CCDC125: variants seen among roughly 807,000 people sequenced by gnomAD.
The protein encoded by CCDC125 is coiled-coil domain containing 125.
Under a neutral mutation model 57.4 loss-of-function variants are expected in CCDC125, and 43 were observed. The ratio of observed to expected loss-of-function variants is 0.75; its 90% CI spans 0.59 to 0.97. CCDC125 has a LOEUF of 0.97. CCDC125 is among the 50% of genes least tolerant of loss of function. The pLI, the probability that CCDC125 is intolerant of heterozygous loss-of-function variation, is 0.00. For missense variants in CCDC125, 563 were observed against 595.7 expected (o/e 0.95, Z 0.57); for synonymous variants, 187 against 195.2 (o/e 0.96, Z 0.35).
chr5:69,316,926 A>G (rs926894708), intron 2 of CCDC125, among the ~76,000 whole-genome samples: 10 of 152,318 alleles, frequency 6.6e-5, no homozygotes, highest in Admixed American at 5.2e-4. Flanking sequence ...AACTTTAATA[A>G]AAAGAAAAGT....
Position 69,285,412 on chromosome 5 carries a change from G to T in CCDC125, c.1155C>A (p.Leu385=). Residue 385 remains leucine, a synonymous_variant, in exon 11 of 12, where the codon CTC becomes CTA. Coordinates refer to ENST00000396496, the MANE Select transcript of CCDC125 (RefSeq NM_176816.5). ...KTFGQRLLGM[L]PSENSSKRME... ...TCCTCTTAGAACTGTTTTCTGAAGG[G>T]AGCATACCCAACAGTCTCTGCCCGA... The T allele has an allele frequency of 6.2e-7, 1 of 1,610,900 alleles. No homozygotes were observed. The highest frequency in any genetic ancestry group is 8.5e-7 in the Non-Finnish European group (1 of 1,178,778).
chr5:69,297,004 A>T (rs1755440461), intron 8 of CCDC125, among the ~76,000 whole-genome samples: 1 of 148,846 alleles, frequency 6.7e-6, no homozygotes, highest in African/African-American at 2.5e-5. Context: ...AACATATTCC[A>T]GTATGTACCA....
chr5:69,332,777 C>T lies in CCDC125; in HGVS notation c.-169G>A, dbSNP rs777382868. 3.3e-5 allele frequency: 5 copies of T among 152,506 alleles called. No homozygotes were observed. The highest frequency in any genetic ancestry group is 5.9e-5 in the Non-Finnish European group (4 of 68,266). The allele number at this position is 152,506 out of a possible 1,614,324, so 9.4% of individuals were successfully genotyped here. ...TCAGCTCGCTCACCTGGCAAGTAGC[C>T]TCCTCTCCGTGCGCGTGCGCCGCTG... On this transcript the variant is annotated 5_prime_UTR_variant, in exon 1 of 12. Transcript: ENST00000396496.
At chr5:69,295,880 T>C (rs536856090) in intron 8 of CCDC125, among the ~76,000 whole-genome samples, 92 of 144,134 alleles carry the variant, frequency 6.4e-4, no homozygotes, top group African/African-American at 2.2e-3. Context: ...TTTAGAACAC[T>C]GACTTCTTTT....
chr5:69,284,604 G>A (rs1753011796), intron 11 of CCDC125, among the ~76,000 whole-genome samples: 1 of 152,090 alleles, frequency 6.6e-6, no homozygotes, highest in Admixed American at 6.6e-5. Context: ...ATGAGCTGAG[G>A]GAGATAAAGA....
intron 9 of CCDC125, among the ~76,000 whole-genome samples, chr5:69,293,086 C>T (rs1391742131): frequency 6.6e-6 from 1 of 151,714 alleles, no homozygotes; most frequent in Non-Finnish European, 1.5e-5. Flanking sequence ...GGTAATCCAC[C>T]CGCCTCGGCC....
chr5:69,303,791 T>A, intron 7 of CCDC125, 56 bp downstream of exon 7: 1 of 1,000,188 alleles, frequency 1.0e-6, no homozygotes, highest in Non-Finnish European at 1.5e-6. Flanking sequence ...TATTTCAAAA[T>A]ACTAGCATGT....
At chr5:69,301,171 C>T (rs541330661) in intron 7 of CCDC125, among the ~76,000 whole-genome samples, 1 of 151,724 alleles carries the variant, frequency 6.6e-6, no homozygotes, top group Non-Finnish European at 1.5e-5. Flanking sequence ...GGAAGAGTCT[C>T]GTTATGTTGC....
intron 2 of CCDC125, among the ~76,000 whole-genome samples, chr5:69,319,312 C>T (rs1031953986): frequency 2.6e-5 from 4 of 152,078 alleles, no homozygotes; most frequent in African/African-American, 9.7e-5. Context: ...TGACATTATT[C>T]TCAGAAATTG....
At chr5:69,294,440 T>C (rs1442834551) in intron 9 of CCDC125, among the ~76,000 whole-genome samples, 2 of 152,078 alleles carry the variant, frequency 1.3e-5, no homozygotes, top group Admixed American at 1.3e-4. Flanking sequence ...CCCAAGTAGC[T>C]AAGATTACAG....
chr5:69,282,574 G>C lies in CCDC125; in HGVS notation c.*155C>G. 1 of 626,262 alleles carries C rather than the reference G, an allele frequency of 1.6e-6. No homozygotes were observed. Among genetic ancestry groups the C allele is most frequent in the South Asian group, 2.4e-5 (1 of 41,210 alleles). 38.8% of individuals were successfully genotyped at this position (626,262 alleles called of 1,614,324 possible). A position where few individuals can be genotyped will look rare whatever the true frequency, so the allele number is the denominator to read the frequency against. ...AGACTCCATCTCAAAAGAAGAAAAA[G>C]AAAATGTAGAAAATATTTGATTTAA... is the stretch of plus-strand genomic sequence containing the variant. On this transcript the variant is annotated 3_prime_UTR_variant, in exon 12 of 12. Transcript: ENST00000396496.
the CCDC125 span, among the ~76,000 whole-genome samples, chr5:69,273,612 T>A: frequency 7.2e-5 from 11 of 152,080 alleles, no homozygotes; most frequent in Non-Finnish European, 1.5e-4. Context: ...TTAAAGGAAA[T>A]AACAAACTCA....
At chr5:69,279,601 C>T, downstream of CCDC125, among the ~76,000 whole-genome samples, 1 of 152,096 alleles carries the variant, frequency 6.6e-6, no homozygotes, top group Non-Finnish European at 1.5e-5. Flanking sequence ...ACTTCCATGC[C>T]TTTGTCCTGT....
intron 11 of CCDC125, 41 bp from the exon 12 acceptor site, chr5:69,283,075 A>C (rs749343586): frequency 7.0e-7 from 1 of 1,438,306 alleles, no homozygotes; most frequent in African/African-American, 1.4e-5. Context: ...TTAGTCAATA[A>C]ATCACAGAAT....
At chr5:69,280,130 G>A (rs1579909512), downstream of CCDC125, 1 of 152,030 alleles carries the variant, frequency 6.6e-6, no homozygotes, top group Non-Finnish European at 1.5e-5. Flanking sequence ...ACTTGGGTGG[G>A]GACACAGCCA....
downstream of CCDC125, among the ~76,000 whole-genome samples, chr5:69,278,372 ATT>A (rs35559096): frequency 3.6e-5 from 5 of 139,094 alleles, no homozygotes; most frequent in Admixed American, 7.3e-5. Context: ...CGCCTGGCTA[ATT>A]TTTTTTTTTT....
At chr5:69,307,218 C>T (rs1202631057) in intron 5 of CCDC125, among the ~76,000 whole-genome samples, 7 of 152,024 alleles carry the variant, frequency 4.6e-5, no homozygotes, top group Non-Finnish European at 1.0e-4. Context: ...AAGCAAAATC[C>T]ACTCCTGGAA....
chr5:69,306,574 G>A (rs1757362838), intron 6 of CCDC125, among the ~76,000 whole-genome samples: 1 of 152,080 alleles, frequency 6.6e-6, no homozygotes, highest in Non-Finnish European at 1.5e-5. Flanking sequence ...GTGATCCTCA[G>A]ATCCAAGTGC....
downstream of CCDC125, chr5:69,276,849 G>T: frequency 1.4e-6 from 1 of 733,996 alleles, no homozygotes; most frequent in Non-Finnish European, 2.2e-6. Flanking sequence ...GCCGTTTTAG[G>T]TATGTTTACT....
Sources: allele counts gnomAD v4.1 joint callset (sites outside exome capture counted in the v4.1 genomes callset), GRCh38; gene constraint gnomAD v4.1.1; transcripts MANE v1.5; gene names NCBI Gene and HGNC (gene_info 2026-07-23, HGNC 2026-07-21).